Variants in ANKRD62 observed in about 807,000 individuals in gnomAD.
ANKRD62 encodes the protein ankyrin repeat domain-containing protein 62.
In ANKRD62, 61 loss-of-function variants were observed where a neutral mutation model predicts 98.8. The observed-to-expected ratio is 0.62, with a 90% CI of 0.50 to 0.76. The LOEUF is 0.76. Ranked by LOEUF, ANKRD62 falls within the 30% of genes least tolerant of loss-of-function variation. The probability of loss-of-function intolerance (pLI) is 0.00; values close to 1 mark genes in which losing one functional copy is unlikely to be tolerated. For synonymous variants in ANKRD62, 341 were observed against 367.9 expected (o/e 0.93, Z 0.84); for missense variants, 933 against 1,082.9 (o/e 0.86, Z 1.94).
In ANKRD62 at chr18:12,095,582, A is replaced by G; in HGVS notation, c.479A>G (p.Tyr160Cys). 4 of 1,533,866 alleles carry G rather than the reference A, an allele frequency of 2.6e-6. No homozygotes were observed. Among genetic ancestry groups the G allele is most frequent in the Non-Finnish European group, 3.5e-6 (4 of 1,145,418 alleles). Reference sequence around the variant, plus strand: ...TCAATGGCAAGAAAACTGCTTGCATATGGTGCAGATATTGAAGCAAGAAGC... The same window carrying G: ...TCAATGGCAAGAAAACTGCTTGCATGTGGTGCAGATATTGAAGCAAGAAGC... Reference protein sequence around the residue: ...NISMARKLLAYGADIEARSQD... With the variant: ...NISMARKLLACGADIEARSQD... The change falls in exon 3 of 14, where the codon TAT (tyrosine) becomes TGT (cysteine). Residue 160 changes from tyrosine to cysteine, a missense_variant. Around this residue, in one of 3 missense-constraint regions of ANKRD62, gnomAD observed 549 missense variants for 587.9 expected, o/e 0.93. Transcript: ENST00000587848.
chr18:12,118,755 T>C (rs1351775477), intron 10 of ANKRD62, among the ~76,000 whole-genome samples: 1 of 152,232 alleles, frequency 6.6e-6, no homozygotes, highest in East Asian at 1.9e-4. Context: ...ATTGTTTGGC[T>C]GTTTAACCAC....
chr18:12,114,641 G>A (rs1909619848), intron 8 of ANKRD62, among the ~76,000 whole-genome samples: 1 of 152,088 alleles, frequency 6.6e-6, no homozygotes, highest in South Asian at 2.1e-4. Flanking sequence ...CACAGTACTT[G>A]CGCAGTATGT....
At chr18:12,158,024 C>G in the ANKRD62 span, among the ~76,000 whole-genome samples, 3 of 152,276 alleles carry the variant, frequency 2.0e-5, no homozygotes, top group South Asian at 6.2e-4. Flanking sequence ...AGTGTTGGCT[C>G]CCCCTTCCAG....
intron 12 of ANKRD62, among the ~76,000 whole-genome samples, chr18:12,125,078 A>G (rs2143931994): frequency 6.6e-6 from 1 of 152,296 alleles, no homozygotes; most frequent in African/African-American, 2.4e-5. Flanking sequence ...GACTCTTACT[A>G]TAGGGAAAGT....
At position 12,115,377 on chromosome 18, in the gene ANKRD62, G is replaced by T. The variant is rs1455053238; in HGVS notation, c.1099-16G>T. The stretch of plus-strand genomic sequence containing the variant: ...TATTTCGAGGGCATTTTGAAACAGT[G>T]TTATTTATTTTATAGGTTAAAAGCC... On this transcript the variant is annotated splice_polypyrimidine_tract_variant and intron_variant, in intron 9 of 13. Transcript: ENST00000587848. 26 of 1,522,846 alleles carry T rather than the reference G, an allele frequency of 1.7e-5. No homozygotes were observed. Among genetic ancestry groups the T allele is most frequent in the Non-Finnish European group, 2.1e-5 (24 of 1,139,282 alleles). The allele number at this position is 1,522,846 out of a possible 1,614,324, so 94.3% of individuals were successfully genotyped here. A position where few individuals can be genotyped will look rare whatever the true frequency, so the allele number is the denominator to read the frequency against.
intron 8 of ANKRD62, among the ~76,000 whole-genome samples, chr18:12,111,398 G>A (rs1273057084): frequency 6.6e-6 from 1 of 151,832 alleles, no homozygotes; most frequent in Non-Finnish European, 1.5e-5. Flanking sequence ...GTTATTGAAG[G>A]AACATACCTC....
Position 12,093,851 on chromosome 18 carries a change from T to C in ANKRD62, c.-167T>C. 1 of 656,044 alleles carries C rather than the reference T, an allele frequency of 1.5e-6. No individual in the cohort carries two copies. Among genetic ancestry groups the C allele is most frequent in the Middle Eastern group, 4.2e-4 (1 of 2,394 alleles). The allele number at this position is 656,044 out of a possible 1,614,324, so 40.6% of individuals were successfully genotyped here. ...GCGCGCTGGTGCCTAACGGCTCTGCTGGGCTAGGTGCTCCTCCGAGCAGCT... is the reference window on the plus strand; with the variant it reads ...GCGCGCTGGTGCCTAACGGCTCTGCCGGGCTAGGTGCTCCTCCGAGCAGCT... On this transcript the variant is annotated 5_prime_UTR_variant, in exon 1 of 14. Coordinates refer to ENST00000587848, the MANE Select transcript of ANKRD62 (RefSeq NM_001277333.2).
the ANKRD62 span, among the ~76,000 whole-genome samples, chr18:12,156,944 C>T: frequency 2.6e-5 from 4 of 152,268 alleles, no homozygotes; most frequent in Middle Eastern, 3.4e-3. Context: ...CTCACTCTCT[C>T]GCTCTCTCTC....
At position 12,127,740 on chromosome 18, in the gene ANKRD62, C is replaced by T. The variant is rs28721514; in HGVS notation, c.2563-8C>T. On this transcript the variant is annotated splice_region_variant and splice_polypyrimidine_tract_variant and intron_variant, in intron 13 of 13. Transcript: ENST00000587848. ...GTAAAATCAGTAACAAAAATAACAT[C>T]TTACCAGGTAGTCAGGAGACAGCTT... 3.5e-3 allele frequency: 4,815 copies of T among 1,370,130 alleles called. 128 individuals carry two copies. The African/African-American group carries it at 0.065, about 19-fold the overall frequency. 84.9% of individuals were successfully genotyped at this position (1,370,130 alleles called of 1,614,324 possible).
At chr18:12,097,906 C>A in intron 5 of ANKRD62, 129 bp downstream of exon 5, 1 of 1,037,002 alleles carries the variant, frequency 9.6e-7, no homozygotes, top group Non-Finnish European at 1.4e-6. Flanking sequence ...AGTTAGTCCA[C>A]TTCATCAGCC....
At chr18:12,172,362 G>A in the ANKRD62 span, among the ~76,000 whole-genome samples, 1 of 152,180 alleles carries the variant, frequency 6.6e-6, no homozygotes, top group African/African-American at 2.4e-5. Flanking sequence ...CCTTCTAACA[G>A]TCAGGTCCCT....
chr18:12,108,749 T>TG (rs1909470594), intron 8 of ANKRD62, among the ~76,000 whole-genome samples: 1 of 152,064 alleles, frequency 6.6e-6, no homozygotes, highest in African/African-American at 2.4e-5. Flanking sequence ...TAAGATACAG[T>TG]GGGGGTACAT....
rs550273431 is a variant in ANKRD62, at chr18:12,093,935, C to T, written c.-83C>T. 14 of 1,342,152 alleles carry T rather than the reference C, an allele frequency of 1.0e-5. No individual in the cohort carries two copies. In the African/African-American group the frequency reaches 1.4e-4, roughly 14 times the overall value. The allele number at this position is 1,342,152 out of a possible 1,614,324, so 83.1% of individuals were successfully genotyped here. A position where few individuals can be genotyped will look rare whatever the true frequency, so the allele number is the denominator to read the frequency against. On this transcript the variant is annotated 5_prime_UTR_variant, in exon 1 of 14. Transcript: ENST00000587848. ...TGGACCTGGTTACGTGCTGGTGCTG[C>T]GCTCCAGAGAGGCAGAAAACGAGTG...
intron 8 of ANKRD62, among the ~76,000 whole-genome samples, chr18:12,109,954 A>T (rs935342533): frequency 3.6e-5 from 1 of 27,606 alleles, no homozygotes; most frequent in African/African-American, 1.1e-4. Flanking sequence ...TGTTACCAAA[A>T]AAAAAAAAAA....
chr18:12,173,952 T>G, the ANKRD62 span, among the ~76,000 whole-genome samples: 1 of 152,182 alleles, frequency 6.6e-6, no homozygotes, highest in African/African-American at 2.4e-5. Context: ...TTGGAGAGTA[T>G]CTGATAATTA....
chr18:12,098,207 G>T (rs549241773), intron 5 of ANKRD62, among the ~76,000 whole-genome samples: 2 of 152,242 alleles, frequency 1.3e-5, no homozygotes, highest in East Asian at 3.9e-4. Flanking sequence ...TCCGCAGTGG[G>T]CTCCAACTTG....
intron 10 of ANKRD62, among the ~76,000 whole-genome samples, chr18:12,120,503 G>A (rs1598736948): frequency 2.0e-5 from 3 of 152,162 alleles, no homozygotes; most frequent in South Asian, 4.1e-4. Flanking sequence ...TTCTATTCTT[G>A]CAGCCGATTT....
At chr18:12,152,559 A>G in the ANKRD62 span, among the ~76,000 whole-genome samples, 1 of 152,214 alleles carries the variant, frequency 6.6e-6, no homozygotes, top group African/African-American at 2.4e-5. Context: ...CTCTCAATGA[A>G]CTGATGTTGA....
chr18:12,115,438 G>C lies in ANKRD62; in HGVS notation c.1144G>C (p.Gly382Arg). ...CACGGATGACCTTAATGACATAAGT[G>C]GGTCATCTGAAAAAACCTCAGAGGA... is the stretch of plus-strand genomic sequence containing the variant. ...YFTDDLNDIS[G>R]SSEKTSEDDE... Residue 382 changes from glycine (G) to arginine (R), a missense_variant, in exon 10 of 14, where the codon GGG becomes CGG. Gly to Arg is a moderately radical substitution (Grantham distance 125). Around this residue, in one of 3 missense-constraint regions of ANKRD62, gnomAD observed 549 missense variants for 587.9 expected, o/e 0.93. Transcript: ENST00000587848. 6.5e-7 allele frequency: 1 copy of C among 1,536,734 alleles called. No individual in the cohort carries two copies. The highest frequency in any genetic ancestry group is 8.7e-7 in the Non-Finnish European group (1 of 1,146,392).
Sources: allele counts gnomAD v4.1 joint callset (sites outside exome capture counted in the v4.1 genomes callset), GRCh38; gene constraint gnomAD v4.1.1; regional missense constraint gnomAD v4.1.1; transcripts MANE v1.5; gene names NCBI Gene and HGNC (gene_info 2026-07-23, HGNC 2026-07-21).